The following TANK variants were observed in gnomAD, a reference collection of about 807,000 sequenced individuals.
TANK encodes TRAF family member-associated NF-kappa-B activator.
In TANK, 15 loss-of-function variants were observed where a neutral mutation model predicts 43.6. The ratio of observed to expected loss-of-function variants is 0.34; its 90% CI spans 0.23 to 0.53. The LOEUF (loss-of-function observed/expected upper bound fraction) is 0.53, where lower values mean the gene tolerates loss of function less well. Ranked by LOEUF, TANK falls within the 20% of genes least tolerant of loss-of-function variation. The pLI is 0.94. For missense variants in TANK, 417 were observed against 498.6 expected (o/e 0.84, Z 1.56); for synonymous variants, 162 against 178.2 (o/e 0.91, Z 0.73).
rs1688163183 is a variant in TANK at position 161,236,181 on chromosome 2, G to A, written c.*663G>A. The A allele has an allele frequency of 7.0e-6, 1 of 143,590 alleles. No homozygotes were observed. The highest frequency in any genetic ancestry group is 1.5e-5 in the Non-Finnish European group (1 of 66,738). 8.9% of individuals were successfully genotyped at this position (143,590 alleles called of 1,614,324 possible). A position where few individuals can be genotyped will look rare whatever the true frequency, so the allele number is the denominator to read the frequency against. On this transcript the variant is annotated 3_prime_UTR_variant, in exon 8 of 8. Coordinates refer to ENST00000392749, the MANE Select transcript of TANK (RefSeq NM_001199135.3). Reference sequence around the variant, plus strand: ...TTAAATATTAAGAGGTACTTATGTTGTGATCATTTGTATGTCCTTTGTTCC... The same window carrying A: ...TTAAATATTAAGAGGTACTTATGTTATGATCATTTGTATGTCCTTTGTTCC...
chr2:161,216,218 A>G (rs1322672228), intron 4 of TANK, among the ~76,000 whole-genome samples: 2 of 152,236 alleles, frequency 1.3e-5, no homozygotes, highest in African/African-American at 4.8e-5. Context: ...TCTACATTTT[A>G]TCTTAATAAT....
chr2:161,160,775 C>T (rs1213472961), intron 1 of TANK: 2 of 560,856 alleles, frequency 3.6e-6, no homozygotes, highest in Non-Finnish European at 7.0e-6. Context: ...GGACTCGTCC[C>T]GGCTGCTTTG....
intron 2 of TANK, among the ~76,000 whole-genome samples, chr2:161,197,805 G>T (rs532500625): frequency 1.3e-5 from 2 of 152,128 alleles, no homozygotes; most frequent in African/African-American, 4.8e-5. Context: ...CCTCCTAAAA[G>T]GCCCCACTTC....
At chr2:161,180,654 A>G (rs1489685226) in intron 2 of TANK, among the ~76,000 whole-genome samples, 4 of 152,184 alleles carry the variant, frequency 2.6e-5, no homozygotes, top group South Asian at 2.1e-4. Context: ...GAAGTCTCCA[A>G]TTTCACCTAC....
At chr2:161,175,576 A>G (rs758416851) in intron 1 of TANK, among the ~76,000 whole-genome samples, 4 of 152,198 alleles carry the variant, frequency 2.6e-5, no homozygotes, top group Non-Finnish European at 4.4e-5. Flanking sequence ...TATTAAAATC[A>G]AAGTTTTGCT....
intron 1 of TANK, among the ~76,000 whole-genome samples, chr2:161,170,486 A>G (rs1558971701): frequency 6.6e-6 from 1 of 152,220 alleles, no homozygotes; most frequent in Non-Finnish European, 1.5e-5. Flanking sequence ...GCAGATCACT[A>G]TGGGAAAAAA....
chr2:161,174,377 A>AT (rs1462638471), intron 1 of TANK, among the ~76,000 whole-genome samples: 11 of 152,292 alleles, frequency 7.2e-5, no homozygotes, highest in Middle Eastern at 3.4e-3. Context: ...TTACAGTATC[A>AT]TATCATCTCT....
chr2:161,171,086 C>A (rs1047894426), intron 1 of TANK, among the ~76,000 whole-genome samples: 24 of 152,226 alleles, frequency 1.6e-4, no homozygotes, highest in African/African-American at 5.5e-4. Context: ...GGTGGCACAG[C>A]AAGTGTTAAG....
intron 2 of TANK, among the ~76,000 whole-genome samples, chr2:161,181,366 G>A (rs1298873503): frequency 1.3e-5 from 2 of 152,164 alleles, no homozygotes; most frequent in East Asian, 3.8e-4. Flanking sequence ...GTTGCAGTGA[G>A]CTGAGATTGC....
At chr2:161,224,396 A>G (rs911545514) in intron 5 of TANK, among the ~76,000 whole-genome samples, 21 of 152,254 alleles carry the variant, frequency 1.4e-4, no homozygotes, top group African/African-American at 4.8e-4. Flanking sequence ...ATAAGTAGAT[A>G]TGCTAGACTA....
chr2:161,138,310 C>G (rs1366148565), intron 1 of TANK, among the ~76,000 whole-genome samples: 3 of 152,084 alleles, frequency 2.0e-5, no homozygotes, highest in Admixed American at 6.6e-5. Context: ...CATATTCAAG[C>G]TTGTAAGTGG....
intron 4 of TANK, among the ~76,000 whole-genome samples, chr2:161,208,727 G>A (rs1558996931): frequency 6.6e-6 from 1 of 152,140 alleles, no homozygotes; most frequent in African/African-American, 2.4e-5. Flanking sequence ...TTGGCAGGAG[G>A]CCTTTCCATA....
At chr2:161,157,261 C>T (rs1362606791), upstream of TANK, among the ~76,000 whole-genome samples, 1 of 152,164 alleles carries the variant, frequency 6.6e-6, no homozygotes, top group Non-Finnish European at 1.5e-5. Flanking sequence ...AATTCTGGAA[C>T]TAGGGTGCTT....
intron 7 of TANK, chr2:161,232,646 TAGA>T: frequency 7.2e-7 from 1 of 1,381,854 alleles, no homozygotes; most frequent in Middle Eastern, 1.9e-4. Context: ...TTATTGCAAG[TAGA>T]ATTCCTGTGG....
At chr2:161,163,977 G>A (rs1684558853) in intron 1 of TANK, among the ~76,000 whole-genome samples, 1 of 152,178 alleles carries the variant, frequency 6.6e-6, no homozygotes, top group Non-Finnish European at 1.5e-5. Flanking sequence ...GACAGGTAAT[G>A]TAATTTAGCA....
chr2:161,183,069 C>T (rs1280543088), intron 2 of TANK, among the ~76,000 whole-genome samples: 3 of 152,130 alleles, frequency 2.0e-5, no homozygotes, highest in Non-Finnish European at 4.4e-5. Flanking sequence ...CACAGCTAGC[C>T]ATGCAATTAT....
chr2:161,141,438 G>A (rs2105210368), intron 1 of TANK, among the ~76,000 whole-genome samples: 1 of 152,102 alleles, frequency 6.6e-6, no homozygotes, highest in Admixed American at 6.6e-5. Context: ...CTGTCATCTA[G>A]GTTTTAAGTG....
intron 1 of TANK, among the ~76,000 whole-genome samples, chr2:161,139,376 A>G (rs1371486559): frequency 6.6e-6 from 1 of 152,222 alleles, no homozygotes; most frequent in African/African-American, 2.4e-5. Flanking sequence ...GCTTATTTAA[A>G]TAAAAACAAA....
chr2:161,217,794 T>C lies in TANK; in HGVS notation c.328-6121T>C, dbSNP rs1182215258. On this transcript the variant is annotated intron_variant, in intron 4 of 7. Coordinates refer to ENST00000392749, the MANE Select transcript of TANK (RefSeq NM_001199135.3). ...CCCAACATATAAAGAACCCAGAAAATATGACCCAGTTATAAGAGAACAGAC... is the reference window on the plus strand; with the variant it reads ...CCCAACATATAAAGAACCCAGAAAACATGACCCAGTTATAAGAGAACAGAC... 2.6e-5 allele frequency among the ~76,000 whole-genome samples: 4 copies of C among 151,814 alleles called. No homozygotes were observed. In the South Asian group the frequency reaches 6.2e-4, roughly 24 times the overall value.
Sources: gnomAD v4.1 joint callset for allele counts (sites outside exome capture counted in the v4.1 genomes callset) on GRCh38, gnomAD v4.1.1 for gene constraint, MANE v1.5 for transcripts, NCBI Gene and HGNC (gene_info 2026-07-23, HGNC 2026-07-21) for gene names.